SCN8A: variants seen among roughly 807,000 people sequenced by gnomAD.
The protein encoded by SCN8A is sodium channel protein type 8 subunit alpha.
In SCN8A, 30 loss-of-function variants were observed where a neutral mutation model predicts 184.1. That is an observed-to-expected ratio of 0.16 (90% confidence interval 0.12 to 0.22). SCN8A has a LOEUF of 0.22. SCN8A is among the 10% of genes least tolerant of loss of function. SCN8A has a pLI of 1.00. For missense variants in SCN8A, 1,057 were observed against 2,498.9 expected, an observed-to-expected ratio of 0.42 and a Z score of 12.30; for synonymous variants, 852 against 907.0, an observed-to-expected ratio of 0.94 and a Z score of 1.09.
At chr12:51,730,393 T>C (rs1335204257) in intron 12 of SCN8A, among the ~76,000 whole-genome samples, 1 of 152,242 alleles carries the variant, frequency 6.6e-6, no homozygotes, top group Non-Finnish European at 1.5e-5. Context: ...TGTTTGTCTA[T>C]GCTTATGCCA....
chr12:51,631,341 A>G (rs554164706), intron 1 of SCN8A, among the ~76,000 whole-genome samples: 2 of 152,244 alleles, frequency 1.3e-5, no homozygotes, highest in East Asian at 1.9e-4. Flanking sequence ...AGCAGTATGC[A>G]TAGTTGTTCT....
intron 6 of SCN8A, among the ~76,000 whole-genome samples, chr12:51,697,436 G>A (rs1008040465): frequency 6.6e-6 from 1 of 152,176 alleles, no homozygotes; most frequent in Non-Finnish European, 1.5e-5. Flanking sequence ...GCTAGGCAGA[G>A]CATCCATTTC....
Position 51,687,209 on chromosome 12 carries a change from A to G in SCN8A, c.604A>G (p.Ile202Val). 6.2e-7 allele frequency: 1 copy of G among 1,613,520 alleles called. No individual in the cohort carries two copies. Among genetic ancestry groups the G allele is most frequent in the Non-Finnish European group, 8.5e-7 (1 of 1,179,542 alleles). The change falls in exon 5 of 27, where the codon ATC becomes GTC. Residue 202 changes from isoleucine (I) to valine (V), a missense_variant. Transcript: ENST00000627620. ...ATGGAACTGGTTAGATTTCAGTGTC[A>G]TCATGATGGCGTAAGTTCTCCCCTT... Reference protein sequence around the residue: ...DPWNWLDFSVIMMAYVTEFVD... With the variant: ...DPWNWLDFSVVMMAYVTEFVD...
intron 12 of SCN8A, among the ~76,000 whole-genome samples, chr12:51,728,169 TGTTA>T (rs1565902076): frequency 2.0e-5 from 3 of 152,196 alleles, no homozygotes; most frequent in Admixed American, 1.3e-4. Flanking sequence ...GTTTGTGTCA[TGTTA>T]GTTAACACTG....
chr12:51,720,949 C>A (rs1465456810), intron 11 of SCN8A, among the ~76,000 whole-genome samples: 4 of 151,310 alleles, frequency 2.6e-5, no homozygotes, highest in Non-Finnish European at 4.4e-5. Context: ...TGCCTGTAAT[C>A]CCAGCTACTC....
At chr12:51,729,763 C>A (rs188162848) in intron 12 of SCN8A, among the ~76,000 whole-genome samples, 1 of 152,090 alleles carries the variant, frequency 6.6e-6, no homozygotes, top group African/African-American at 2.4e-5. Flanking sequence ...AGAATAGTTA[C>A]ACCATTTTTT....
chr12:51,669,968 A>G (rs1353317446), intron 2 of SCN8A, among the ~76,000 whole-genome samples: 1 of 152,270 alleles, frequency 6.6e-6, no homozygotes, highest in Non-Finnish European at 1.5e-5. Flanking sequence ...CAATAAGCCT[A>G]AATGCTGCTT....
chr12:51,721,787 C>G lies in SCN8A; in HGVS notation c.1877C>G (p.Ser626Cys). 6.2e-7 allele frequency: 1 copy of G among 1,610,542 alleles called. No individual in the cohort carries two copies. Among genetic ancestry groups the G allele is most frequent in the Non-Finnish European group, 8.5e-7 (1 of 1,179,236 alleles). Residue 626 changes from serine (S) to cysteine (C), a missense_variant, in exon 12 of 27, where the codon TCC (serine) becomes TGC (cysteine). By Grantham distance (112) the Ser-to-Cys change is moderately radical. This residue lies in a region of SCN8A where 322 missense variants were observed against 390.1 expected (regional missense o/e 0.83). Coordinates refer to ENST00000627620, the MANE Select transcript of SCN8A (RefSeq NM_001330260.2). ...AGCGGCTACAGCCAGGGCAGCCGCT[C>G]CTCGCGCATCTTCCCCAGCCTGCGG... ...GYSGYSQGSRSSRIFPSLRRS... is the reference protein window; with the variant it reads ...GYSGYSQGSRCSRIFPSLRRS...
chr12:51,746,573 A>G (rs1189295949), intron 13 of SCN8A, among the ~76,000 whole-genome samples: 2 of 152,182 alleles, frequency 1.3e-5, no homozygotes, highest in African/African-American at 4.8e-5. Context: ...ATGTGTGACT[A>G]GGTAAGTTGA....
chr12:51,781,956 CTG>C (rs1389569412), intron 21 of SCN8A, among the ~76,000 whole-genome samples: 2 of 152,246 alleles, frequency 1.3e-5, no homozygotes, highest in African/African-American at 4.8e-5. Context: ...CATTCCTCAT[CTG>C]TGATCCCTGG....
intron 26 of SCN8A, among the ~76,000 whole-genome samples, chr12:51,799,367 G>A (rs1938494756): frequency 6.6e-6 from 1 of 152,174 alleles, no homozygotes; most frequent in Admixed American, 6.5e-5. Context: ...CATGAGAGGC[G>A]GTTCAGGCCA....
At chr12:51,740,814 T>G (rs1371514402) in intron 12 of SCN8A, among the ~76,000 whole-genome samples, 1 of 152,232 alleles carries the variant, frequency 6.6e-6, no homozygotes, top group Non-Finnish European at 1.5e-5. Flanking sequence ...AGACAAGGTC[T>G]TGCTCTGTTA....
intron 1 of SCN8A, among the ~76,000 whole-genome samples, chr12:51,619,193 A>G (rs1274520385): frequency 1.3e-5 from 2 of 152,206 alleles, no homozygotes; most frequent in South Asian, 2.1e-4. Context: ...AGGCCTTTCC[A>G]TATCAGTGTC....
At chr12:51,759,000 G>GTGTATA (rs1447697193) in intron 14 of SCN8A, among the ~76,000 whole-genome samples, 2 of 149,698 alleles carry the variant, frequency 1.3e-5, no homozygotes, top group African/African-American at 4.9e-5. Flanking sequence ...GTGTGTGTGT[G>GTGTATA]TATATATATA....
chr12:51,740,109 C>T (rs1217294807), intron 12 of SCN8A, among the ~76,000 whole-genome samples: 1 of 152,242 alleles, frequency 6.6e-6, no homozygotes, highest in East Asian at 1.9e-4. Context: ...TGGTTTTCCA[C>T]CCTGGGCGGG....
At chr12:51,764,492 G>A (rs1207075805) in intron 15 of SCN8A, among the ~76,000 whole-genome samples, 4 of 151,892 alleles carry the variant, frequency 2.6e-5, no homozygotes, top group Non-Finnish European at 5.9e-5. Context: ...AAAATTAGCC[G>A]GGCATGGTGG....
intron 26 of SCN8A, among the ~76,000 whole-genome samples, chr12:51,797,979 AGTGGT>A (rs2138925918): frequency 6.6e-6 from 1 of 152,240 alleles, no homozygotes; most frequent in Admixed American, 6.5e-5. Flanking sequence ...GGTGATGGGG[AGTGGT>A]GCCACTTCCA....
intron 2 of SCN8A, among the ~76,000 whole-genome samples, chr12:51,667,406 G>A (rs945627708): frequency 6.6e-6 from 1 of 151,374 alleles, no homozygotes; most frequent in Non-Finnish European, 1.5e-5. Context: ...CTAACTCCAA[G>A]TTGGAGTGCA....
At chr12:51,596,178 C>T (rs1939344684) in intron 1 of SCN8A, among the ~76,000 whole-genome samples, 1 of 152,180 alleles carries the variant, frequency 6.6e-6, no homozygotes, top group Admixed American at 6.5e-5. Flanking sequence ...TTGTCTTCAG[C>T]ACCATTTTAG....
Sources: allele counts gnomAD v4.1 joint callset (sites outside exome capture counted in the v4.1 genomes callset), GRCh38; gene constraint gnomAD v4.1.1; regional missense constraint gnomAD v4.1.1; transcripts MANE v1.5; gene names NCBI Gene and HGNC (gene_info 2026-07-23, HGNC 2026-07-21).